Variants in PCDHGA1 observed in about 807,000 individuals in gnomAD.
PCDHGA1 encodes the protein protocadherin gamma subfamily A, 1, also known as protocadherin gamma-A1.
A neutral mutation model predicts 58.0 loss-of-function variants in PCDHGA1; 32 were observed. That is an observed-to-expected ratio of 0.55 (90% confidence interval 0.42 to 0.74). The LOEUF (loss-of-function observed/expected upper bound fraction) is 0.74. PCDHGA1 is among the 30% of genes least tolerant of loss of function. PCDHGA1 has a pLI of 0.00. For missense variants in PCDHGA1, 1,205 were observed against 1,182.3 expected, an observed-to-expected ratio of 1.02 and a Z score of -0.28; for synonymous variants, 498 against 501.1, an observed-to-expected ratio of 0.99 and a Z score of 0.08.
At chr5:141,419,761 C>A in intron 1 of PCDHGA1, 1 of 1,614,008 alleles carries the variant, frequency 6.2e-7, no homozygotes, top group South Asian at 1.1e-5. Context: ...CTTTGGGTGA[C>A]AAGGACTCGG....
chr5:141,400,072 C>G (rs1469206078), intron 1 of PCDHGA1: 1 of 1,613,934 alleles, frequency 6.2e-7, no homozygotes, highest in Non-Finnish European at 8.5e-7. Context: ...TGGACAGCCG[C>G]CACTCTCCGC....
chr5:141,410,202 A>G (rs766392835), intron 1 of PCDHGA1: 2 of 1,614,018 alleles, frequency 1.2e-6, no homozygotes, highest in Non-Finnish European at 1.7e-6. Flanking sequence ...TTCGCAGACA[A>G]CTTGCAAGAG....
intron 1 of PCDHGA1, chr5:141,398,414 G>A (rs373274513): frequency 1.2e-4 from 186 of 1,488,072 alleles, no homozygotes; most frequent in Non-Finnish European, 1.6e-4. Context: ...GAGGAGATAT[G>A]CGGGAAGAAG....
At chr5:141,344,299 G>C in intron 1 of PCDHGA1, 1 of 1,614,080 alleles carries the variant, frequency 6.2e-7, no homozygotes, top group Non-Finnish European at 8.5e-7. Context: ...ACCGCGGAGA[G>C]GATAGACCGG....
chr5:141,375,486 G>C (rs1193457334), intron 1 of PCDHGA1: 1 of 1,613,796 alleles, frequency 6.2e-7, no homozygotes, highest in Non-Finnish European at 8.5e-7. Flanking sequence ...AACCCCAGGG[G>C]TGCCTCCATC....
intron 1 of PCDHGA1, chr5:141,389,298 G>C (rs1440320819): frequency 6.2e-7 from 1 of 1,614,030 alleles, no homozygotes; most frequent in Non-Finnish European, 8.5e-7. Context: ...TATTTCACAA[G>C]TCAGGGCTTC....
At chr5:141,427,818 G>A (rs1356936077) in intron 1 of PCDHGA1, 3 of 1,530,644 alleles carry the variant, frequency 2.0e-6, no homozygotes, top group Non-Finnish European at 2.7e-6. Context: ...GAGCGGGGTG[G>A]TGGTCGCGCA....
intron 1 of PCDHGA1, among the ~76,000 whole-genome samples, chr5:141,483,021 G>A (rs543104114): frequency 6.6e-6 from 1 of 152,126 alleles, no homozygotes; most frequent in East Asian, 1.9e-4. Context: ...GGAGGCAGAG[G>A]TTGCAATGAG....
chr5:141,354,064 G>T (rs188093514), intron 1 of PCDHGA1, among the ~76,000 whole-genome samples: 1 of 152,242 alleles, frequency 6.6e-6, no homozygotes, highest in African/African-American at 2.4e-5. Flanking sequence ...ATCCATGTTC[G>T]GCTACCAAAA....
chr5:141,466,203 C>G (rs1291051063), intron 1 of PCDHGA1, among the ~76,000 whole-genome samples: 1 of 151,914 alleles, frequency 6.6e-6, no homozygotes, highest in Non-Finnish European at 1.5e-5. Context: ...CACAGCCTTG[C>G]TCTGTTACCC....
At chr5:141,364,420 G>C (rs1763313585) in intron 1 of PCDHGA1, 1 of 1,613,554 alleles carries the variant, frequency 6.2e-7, no homozygotes. Flanking sequence ...GATCCGGGCA[G>C]ATCCGCTACT....
intron 1 of PCDHGA1, chr5:141,351,415 A>T: frequency 6.2e-7 from 1 of 1,611,534 alleles, no homozygotes; most frequent in Non-Finnish European, 8.5e-7. Flanking sequence ...CTCAGGAAGA[A>T]GTTCCTTTCA....
chr5:141,351,997 G>C (rs1228319318), intron 1 of PCDHGA1: 2 of 1,610,894 alleles, frequency 1.2e-6, no homozygotes, highest in South Asian at 2.2e-5. Context: ...GCGCCGCAGA[G>C]CCCGGCTACC....
At chr5:141,372,721 C>CA in intron 1 of PCDHGA1, 1 of 1,613,832 alleles carries the variant, frequency 6.2e-7, no homozygotes, top group Non-Finnish European at 8.5e-7. Flanking sequence ...GAAAATGCTG[C>CA]ACCACAAGAT....
At chr5:141,501,016 G>A (rs1042009106) in intron 2 of PCDHGA1, among the ~76,000 whole-genome samples, 7 of 151,716 alleles carry the variant, frequency 4.6e-5, no homozygotes, top group Non-Finnish European at 1.0e-4. Context: ...CTACAGGCAC[G>A]CGCCACCACG....
chr5:141,401,689 A>G (rs2094183367), intron 1 of PCDHGA1, among the ~76,000 whole-genome samples: 1 of 152,222 alleles, frequency 6.6e-6, no homozygotes, highest in Non-Finnish European at 1.5e-5. Context: ...ATGGAAGGTG[A>G]ATACAGGATT....
intron 1 of PCDHGA1, among the ~76,000 whole-genome samples, chr5:141,481,994 A>AG (rs2099550091): frequency 1.3e-5 from 2 of 151,258 alleles, no homozygotes; most frequent in African/African-American, 4.9e-5. Context: ...TTGAAGCAGG[A>AG]GAATCGCTTT....
At chr5:141,443,952 A>T (rs1355073040) in intron 1 of PCDHGA1, among the ~76,000 whole-genome samples, 4 of 152,134 alleles carry the variant, frequency 2.6e-5, no homozygotes, top group Non-Finnish European at 4.4e-5. Context: ...CCTTATTGGT[A>T]TGTATTCTGT....
In PCDHGA1 at chr5:141,393,242, C is replaced by T. The variant is rs151037104; in HGVS notation, c.2421+60137C>T. 1,015 of 1,613,778 alleles carry T rather than the reference C, an allele frequency of 6.3e-4. 8 individuals carry two copies. The African/African-American group carries it at 0.012, about 18-fold the overall frequency. ...TCGAAGATCTAGAAGTAAAAATTAA[C>T]GAAATCGCGGTTCCTGGAGCACGTT... is the stretch of plus-strand genomic sequence containing the variant. On this transcript the variant is annotated intron_variant, in intron 1 of 3. Coordinates refer to ENST00000517417, the MANE Select transcript of PCDHGA1 (RefSeq NM_018912.3).
Sources: gnomAD v4.1 joint callset for allele counts (sites outside exome capture counted in the v4.1 genomes callset) on GRCh38, gnomAD v4.1.1 for gene constraint, MANE v1.5 for transcripts, NCBI Gene and HGNC (gene_info 2026-07-23, HGNC 2026-07-21) for gene names.